Variants in WNT3 observed in about 807,000 individuals in gnomAD.
WNT3 encodes proto-oncogene Wnt-3.
WNT3 carries 7 observed loss-of-function variants against 34.2 expected under a neutral mutation model. The ratio of observed to expected loss-of-function variants is 0.20; its 90% CI spans 0.12 to 0.38. The LOEUF is 0.38. Ranked by LOEUF, WNT3 falls within the 10% of genes least tolerant of loss-of-function variation. WNT3 has a pLI of 1.00. For missense variants in WNT3, 267 were observed against 499.8 expected (o/e 0.53, Z 4.44); for synonymous variants, 212 against 211.5 (o/e 1.00, Z -0.02).
chr17:46,813,099 C>T (rs1025370027), intron 1 of WNT3, among the ~76,000 whole-genome samples: 2 of 151,930 alleles, frequency 1.3e-5, no homozygotes, highest in African/African-American at 4.8e-5. Context: ...AGGAGTGGGG[C>T]AGCCAGCTCT....
chr17:46,816,106 C>T (rs148027131), intron 1 of WNT3, among the ~76,000 whole-genome samples: 47 of 151,072 alleles, frequency 3.1e-4, no homozygotes, highest in South Asian at 1.2e-3. Flanking sequence ...GGCATGCGCG[C>T]GCACGTACAC....
chr17:46,801,670 A>G (rs1053655394), intron 1 of WNT3, among the ~76,000 whole-genome samples: 24 of 150,676 alleles, frequency 1.6e-4, no homozygotes, highest in African/African-American at 5.9e-4. Flanking sequence ...TTAAAATAAG[A>G]CTGACTAAAC....
chr17:46,770,139 C>G (rs1022618398), intron 2 of WNT3, 91 bp from the exon 3 acceptor site: 12 of 1,444,178 alleles, frequency 8.3e-6, no homozygotes, highest in African/African-American at 1.4e-5. Flanking sequence ...GTGAGGGGAA[C>G]GAGGCCAGGA....
intron 4 of WNT3, among the ~76,000 whole-genome samples, chr17:46,766,700 C>T (rs1264135052): frequency 2.0e-5 from 3 of 152,174 alleles, no homozygotes; most frequent in Non-Finnish European, 4.4e-5. Context: ...TCAAGTACCT[C>T]CCATATCTCA....
intron 1 of WNT3, among the ~76,000 whole-genome samples, chr17:46,799,528 A>G (rs985503639): frequency 1.3e-5 from 2 of 149,238 alleles, no homozygotes; most frequent in African/African-American, 2.5e-5. Context: ...GCTAACTGCA[A>G]CCTCCGCCTC....
At chr17:46,787,774 C>T (rs374716048) in intron 1 of WNT3, among the ~76,000 whole-genome samples, 62 of 152,202 alleles carry the variant, frequency 4.1e-4, no homozygotes, top group East Asian at 1.4e-3. Flanking sequence ...GCCAACATGG[C>T]GAAACGCCTG....
chr17:46,772,164 C>T (rs1020183584), intron 2 of WNT3, among the ~76,000 whole-genome samples: 9 of 152,210 alleles, frequency 5.9e-5, no homozygotes, highest in Admixed American at 2.0e-4. Context: ...GCTCTGGGCA[C>T]CGACCGGGGC....
intron 1 of WNT3, among the ~76,000 whole-genome samples, chr17:46,791,899 G>T (rs149076042): frequency 1.4e-4 from 22 of 152,292 alleles, no homozygotes; most frequent in Middle Eastern, 6.8e-3. Flanking sequence ...AATTAGCTGG[G>T]TGTGGTGGTG....
chr17:46,813,113 C>T (rs923393293), intron 1 of WNT3, among the ~76,000 whole-genome samples: 1 of 151,806 alleles, frequency 6.6e-6, no homozygotes, highest in Non-Finnish European at 1.5e-5. Context: ...CAGCTCTTTG[C>T]GATTTAGGTC....
intron 1 of WNT3, among the ~76,000 whole-genome samples, chr17:46,779,909 T>A (rs1308788990): frequency 6.6e-6 from 1 of 152,072 alleles, no homozygotes; most frequent in Non-Finnish European, 1.5e-5. Flanking sequence ...GAGGCATGCG[T>A]CACCATGCCC....
chr17:46,783,983 G>A (rs1035862365), intron 1 of WNT3, among the ~76,000 whole-genome samples: 1 of 152,202 alleles, frequency 6.6e-6, no homozygotes, highest in Non-Finnish European at 1.5e-5. Context: ...GGGAGGCGGG[G>A]TTGACGTGGA....
chr17:46,799,191 T>C (rs1277659986), intron 1 of WNT3, among the ~76,000 whole-genome samples: 3 of 152,162 alleles, frequency 2.0e-5, no homozygotes, highest in Admixed American at 6.5e-5. Context: ...TTGCCTTTTG[T>C]CCACCAAGTC....
chr17:46,789,293 CT>C (rs1465226666), intron 1 of WNT3, among the ~76,000 whole-genome samples: 2 of 152,214 alleles, frequency 1.3e-5, no homozygotes, highest in Non-Finnish European at 2.9e-5. Context: ...ATTCTATGCT[CT>C]TCAGAAAACC....
intron 3 of WNT3, 117 bp downstream of exon 3, chr17:46,769,666 A>G: frequency 1.4e-6 from 2 of 1,407,162 alleles, no homozygotes; most frequent in Non-Finnish European, 1.9e-6. Context: ...GGCCAAGGGG[A>G]AAAGGAGCCC....
At chr17:46,771,585 TCAATCC>T (rs2059370544) in intron 2 of WNT3, among the ~76,000 whole-genome samples, 1 of 147,274 alleles carries the variant, frequency 6.8e-6, no homozygotes, top group African/African-American at 2.5e-5. Flanking sequence ...GCTGGGCCGC[TCAATCC>T]GCCTTTGTTC....
chr17:46,799,019 G>C (rs2084089932), intron 1 of WNT3, among the ~76,000 whole-genome samples: 1 of 139,792 alleles, frequency 7.2e-6, no homozygotes, highest in Non-Finnish European at 1.5e-5. Context: ...CTGTACTCCA[G>C]CCTGGTGACA....
rs75729330 is a variant in WNT3 at position 46,775,277 on chromosome 17, C to T, written c.81-1368G>A. ...AGAGAGTGAATTAGCTTGCCTACGG[C>T]TTTTTGGTCTGTGGTGGGTCAGAGA... On this transcript the variant is annotated intron_variant, in intron 1 of 4. Coordinates refer to ENST00000225512, the MANE Select transcript of WNT3 (RefSeq NM_030753.5). 2.9e-3 allele frequency among the ~76,000 whole-genome samples: 448 copies of T among 152,348 alleles called. 1 individual carries two copies. The highest frequency in any genetic ancestry group is 0.01 in the African/African-American group (421 of 41,574).
chr17:46,765,063 A>C (rs1340107028), intron 4 of WNT3, among the ~76,000 whole-genome samples: 1 of 152,238 alleles, frequency 6.6e-6, no homozygotes, highest in Admixed American at 6.5e-5. Context: ...GAGAGAGCCT[A>C]CTTAATTACG....
intron 1 of WNT3, among the ~76,000 whole-genome samples, chr17:46,805,096 C>T (rs2084177293): frequency 6.6e-6 from 1 of 152,042 alleles, no homozygotes; most frequent in Non-Finnish European, 1.5e-5. Flanking sequence ...AGTGAGACCA[C>T]GAACCCACTG....
Sources: allele counts gnomAD v4.1 joint callset (sites outside exome capture counted in the v4.1 genomes callset), GRCh38; gene constraint gnomAD v4.1.1; transcripts MANE v1.5; gene names NCBI Gene and HGNC (gene_info 2026-07-23, HGNC 2026-07-21).